Variants in ENTPD1 observed in about 807,000 individuals in gnomAD.
ENTPD1 encodes the protein ectonucleoside triphosphate diphosphohydrolase 1.
In ENTPD1, 33 loss-of-function variants were observed where a neutral mutation model predicts 57.0. The observed-to-expected ratio is 0.58, with a 90% CI of 0.44 to 0.77. ENTPD1 has a LOEUF of 0.77. ENTPD1 is among the 30% of genes least tolerant of loss of function. ENTPD1 has a pLI of 0.00. For synonymous variants in ENTPD1, 202 were observed against 218.8 expected, an observed-to-expected ratio of 0.92 and a Z score of 0.68; for missense variants, 501 against 603.4, an observed-to-expected ratio of 0.83 and a Z score of 1.78.
intron 1 of ENTPD1, among the ~76,000 whole-genome samples, chr10:95,818,891 C>A (rs566271376): frequency 6.6e-6 from 1 of 152,216 alleles, no homozygotes; most frequent in South Asian, 2.1e-4. Flanking sequence ...CTCACCAATG[C>A]TTGTCCACAT....
At chr10:95,787,225 C>T (rs2098183601) in intron 1 of ENTPD1, among the ~76,000 whole-genome samples, 1 of 152,148 alleles carries the variant, frequency 6.6e-6, no homozygotes, top group South Asian at 2.1e-4. Context: ...TTTATTGATA[C>T]AACTTTTAGG....
chr10:95,807,028 C>T (rs904219429), intron 1 of ENTPD1, among the ~76,000 whole-genome samples: 3 of 152,168 alleles, frequency 2.0e-5, no homozygotes, highest in African/African-American at 7.2e-5. Flanking sequence ...CTGGGAGAAC[C>T]ACTGCTCTCT....
intron 2 of ENTPD1, among the ~76,000 whole-genome samples, chr10:95,823,905 A>T (rs956904549): frequency 6.6e-6 from 1 of 152,264 alleles, no homozygotes; most frequent in Non-Finnish European, 1.5e-5. Context: ...ATATACGTGT[A>T]TCAGGTATAG....
chr10:95,752,225 G>A (rs975799803), upstream of ENTPD1, among the ~76,000 whole-genome samples: 19 of 152,324 alleles, frequency 1.2e-4, no homozygotes, highest in African/African-American at 4.3e-4. Flanking sequence ...GCAATGGAAG[G>A]AGGAGTAAAT....
intron 7 of ENTPD1, among the ~76,000 whole-genome samples, chr10:95,856,096 T>C (rs1384891974): frequency 1.3e-5 from 2 of 152,204 alleles, no homozygotes; most frequent in African/African-American, 4.8e-5. Flanking sequence ...GATTTGGTCT[T>C]TTCACATAAT....
At position 95,759,711 on chromosome 10, in the gene ENTPD1, G is replaced by A. The variant is rs570815548; in HGVS notation, c.16+3456G>A. Among the ~76,000 whole-genome samples the A allele has an allele frequency of 3.9e-5, 6 of 152,106 alleles. No homozygotes were observed. The South Asian group carries it at 8.3e-4, about 21-fold the overall frequency. On this transcript the variant is annotated intron_variant, in intron 1 of 9. Transcript: ENST00000371205. ...ATCCTTGGATAAACAGTTTGCTCAC[G>A]GTCTAGTGGGGAAGCCTAATAATAA... is the stretch of plus-strand genomic sequence containing the variant.
intron 1 of ENTPD1, among the ~76,000 whole-genome samples, chr10:95,713,375 G>A (rs2097968035): frequency 6.6e-6 from 1 of 152,082 alleles, no homozygotes; most frequent in Admixed American, 6.5e-5. Flanking sequence ...TGTCTTACTT[G>A]TATTTATGGG....
intron 3 of ENTPD1, 33 bp from the exon 4 acceptor site, chr10:95,842,311 T>TA (rs138579989): frequency 2.5e-6 from 4 of 1,586,846 alleles, no homozygotes; most frequent in African/African-American, 1.3e-5. Context: ...AATTTTTTTT[T>TA]AAAAGATTGT....
intron 8 of ENTPD1, among the ~76,000 whole-genome samples, chr10:95,862,334 G>A (rs117921298): frequency 3.0e-4 from 46 of 152,304 alleles, no homozygotes; most frequent in Non-Finnish European, 6.5e-4. Flanking sequence ...CAAGTACATT[G>A]TTAGAAGGTG....
chr10:95,705,494 G>T, the ENTPD1 span, among the ~76,000 whole-genome samples: 40,356 of 151,656 alleles, frequency 0.27, 6,196 homozygotes, highest in Admixed American at 0.38. Context: ...AATTTTTTTT[G>T]TTGTTGTTGT....
chr10:95,806,397 C>T (rs1314821052), intron 1 of ENTPD1, among the ~76,000 whole-genome samples: 1 of 151,846 alleles, frequency 6.6e-6, no homozygotes, highest in East Asian at 1.9e-4. Flanking sequence ...TTTATCTAAC[C>T]TAAGGTTTTT....
intron 1 of ENTPD1, among the ~76,000 whole-genome samples, chr10:95,730,853 G>C (rs558274514): frequency 6.6e-6 from 1 of 152,346 alleles, no homozygotes; most frequent in South Asian, 2.1e-4. Flanking sequence ...TAACCTTTGT[G>C]ATTACAGAGC....
At chr10:95,704,865 T>C in the ENTPD1 span, among the ~76,000 whole-genome samples, 3 of 150,768 alleles carry the variant, frequency 2.0e-5, no homozygotes, top group Non-Finnish European at 4.4e-5. Context: ...AAATATTATA[T>C]ATATATATGT....
At chr10:95,842,533 A>G (rs370808617) in intron 4 of ENTPD1, 39 bp downstream of exon 4, 49 of 1,597,400 alleles carry the variant, frequency 3.1e-5, no homozygotes, top group Non-Finnish European at 3.9e-5. Flanking sequence ...TCTGGGAGTT[A>G]GGCTTGGCAG....
chr10:95,741,246 A>G (rs2097999994), intron 1 of ENTPD1, among the ~76,000 whole-genome samples: 1 of 152,150 alleles, frequency 6.6e-6, no homozygotes, highest in Admixed American at 6.5e-5. Context: ...CCTAATTTCA[A>G]TATATTGTGT....
chr10:95,795,597 A>G (rs2098223125), intron 1 of ENTPD1, among the ~76,000 whole-genome samples: 1 of 152,214 alleles, frequency 6.6e-6, no homozygotes, highest in South Asian at 2.1e-4. Flanking sequence ...TTTTTCATAC[A>G]GAGCTCACTG....
intron 8 of ENTPD1, among the ~76,000 whole-genome samples, chr10:95,861,825 T>C (rs1205331395): frequency 6.6e-6 from 1 of 151,958 alleles, no homozygotes; most frequent in African/African-American, 2.4e-5. Flanking sequence ...AAACCCCGTC[T>C]CTACTAAAAA....
chr10:95,806,795 G>C (rs969006383), intron 1 of ENTPD1, among the ~76,000 whole-genome samples: 1 of 141,002 alleles, frequency 7.1e-6, no homozygotes, highest in African/African-American at 2.6e-5. Context: ...TCCAGACCCT[G>C]TTTGTCTGGG....
At chr10:95,847,885 T>C (rs1289800879) in intron 7 of ENTPD1, among the ~76,000 whole-genome samples, 179 bp downstream of exon 7, 1 of 152,236 alleles carries the variant, frequency 6.6e-6, no homozygotes, top group Non-Finnish European at 1.5e-5. Context: ...TTTTCCACTA[T>C]CGTTGTGATC....
Sources: allele counts gnomAD v4.1 joint callset (sites outside exome capture counted in the v4.1 genomes callset), GRCh38; gene constraint gnomAD v4.1.1; transcripts MANE v1.5; gene names NCBI Gene and HGNC (gene_info 2026-07-23, HGNC 2026-07-21).